KMT2B: variants seen among roughly 807,000 people sequenced by gnomAD.
The protein encoded by KMT2B is lysine methyltransferase 2B.
KMT2B carries 22 observed loss-of-function variants against 255.3 expected under a neutral mutation model. The observed-to-expected ratio is 0.09, with a 90% CI of 0.06 to 0.12. The LOEUF is 0.12. Among genes scored for constraint, KMT2B ranks in the 10% least tolerant of loss-of-function variants. The pLI is 1.00. For missense variants in KMT2B, 3,149 were observed against 3,737.0 expected (o/e 0.84, Z 4.10); for synonymous variants, 1,730 against 1,498.1 (o/e 1.15, Z -3.57).
At position 35,718,991 on chromosome 19, in the gene KMT2B, G is replaced by A. The variant is rs545484928; in HGVS notation, c.364-478G>A. ...GGTGTGGGTTGCGTTGCCCTGGACG[G>A]TTAATAACAACCTGAGAGCTCGCAG... is the stretch of plus-strand genomic sequence containing the variant. On this transcript the variant is annotated intron_variant, in intron 1 of 36. Transcript: ENST00000420124. This position sits in a 1 kb window ranked among gnomAD's most constrained non-coding sequence, Gnocchi z 5.0. Among the ~76,000 whole-genome samples, 1 of 152,304 alleles carries A rather than the reference G, an allele frequency of 6.6e-6. No homozygotes were observed. The highest frequency in any genetic ancestry group is 2.4e-5 in the African/African-American group (1 of 41,570).
At position 35,733,108 on chromosome 19, in the gene KMT2B, G is replaced by T. The variant is rs751221427; in HGVS notation, c.6559G>T (p.Ala2187Ser). Reference sequence around the variant, plus strand: ...CCCTGCCCCTGAGCCCCCCAAACCCGCCACATCCAAAATCATACTTGTCAA... The same window carrying T: ...CCCTGCCCCTGAGCCCCCCAAACCCTCCACATCCAAAATCATACTTGTCAA... ...LGPAPEPPKPATSKIILVNKL... is the reference protein window; with the variant it reads ...LGPAPEPPKPSTSKIILVNKL... Residue 2187 changes from alanine to serine, a missense_variant, in exon 28 of 37, where the codon GCC becomes TCC. Transcript: ENST00000420124. This position sits in a 1 kb window ranked among gnomAD's most constrained non-coding sequence, Gnocchi z 4.3. The T allele has an allele frequency of 4.4e-6, 7 of 1,589,508 alleles. No homozygotes were observed. The South Asian group carries it at 8.0e-5, about 18-fold the overall frequency.
chr19:35,727,593 G>C lies in KMT2B; in HGVS notation c.4273G>C (p.Val1425Leu), dbSNP rs751375041. The C allele has an allele frequency of 1.0e-5, 16 of 1,606,512 alleles. No individual in the cohort carries two copies. The highest frequency in any genetic ancestry group is 1.4e-5 in the Non-Finnish European group (16 of 1,177,344). ...GCTCCAGGGCCTGCTGAGCTCCAAG[G>C]TGGTGGGCCCACTGCTGCTCTGCAC... ...QVLQGLLSSKVVGPLLLCTQC... is the reference protein window; with the variant it reads ...QVLQGLLSSKLVGPLLLCTQC... The change falls in exon 16 of 37, where the codon GTG (valine) becomes CTG (leucine). Residue 1425 changes from valine to leucine, a missense_variant. Val to Leu is a conservative substitution (Grantham distance 32). This residue lies in a region of KMT2B where 377 missense variants were observed against 471.0 expected (regional missense o/e 0.80). Transcript: ENST00000420124. The surrounding 1 kb of genome is among the most constrained non-coding windows in gnomAD (Gnocchi z 4.2).
At position 35,720,367 on chromosome 19, in the gene KMT2B, C is replaced by G. The variant is rs1168001038; in HGVS notation, c.1020C>G (p.Pro340=). ...ATGAGGAAAGTTGGCAGGATGTCCC[C>G]CAAAGAAGAGTTGGATCTGGACAGG... ...GQHEESWQDV[P]QRRVGSGQGG... Residue 340 remains proline (P), a synonymous_variant, in exon 3 of 37, where the codon CCC becomes CCG. Coordinates refer to ENST00000420124, the MANE Select transcript of KMT2B (RefSeq NM_014727.3). The G allele has an allele frequency of 1.9e-6, 3 of 1,600,398 alleles. No homozygotes were observed. Among genetic ancestry groups the G allele is most frequent in the Non-Finnish European group, 2.6e-6 (3 of 1,173,490 alleles).
At position 35,725,640 on chromosome 19, in the gene KMT2B, G is replaced by C. The variant is rs536906276; in HGVS notation, c.3789+15G>C. ...GTGGATCCAAGGTTTGGGCCCAAGG[G>C]CTGGCCAGGGTGGGTGGAGGCCTGA... On this transcript the variant is annotated intron_variant, in intron 12 of 36. Coordinates refer to ENST00000420124, the MANE Select transcript of KMT2B (RefSeq NM_014727.3). The surrounding 1 kb of genome is among the most constrained non-coding windows in gnomAD (Gnocchi z 4.1). 2 of 1,611,956 alleles carry C rather than the reference G, an allele frequency of 1.2e-6. No homozygotes were observed. Among genetic ancestry groups the C allele is most frequent in the Middle Eastern group, 1.6e-4 (1 of 6,084 alleles).
chr19:35,720,998 C>T lies in KMT2B; in HGVS notation c.1651C>T (p.Pro551Ser), dbSNP rs762590352. The T allele has an allele frequency of 2.5e-6, 4 of 1,610,582 alleles. No individual in the cohort carries two copies. Among genetic ancestry groups the T allele is most frequent in the Non-Finnish European group, 3.4e-6 (4 of 1,178,778 alleles). Residue 551 changes from proline (P) to serine (S), a missense_variant, in exon 3 of 37, where the codon CCC (proline) becomes TCC (serine). Physicochemically the swap from Pro to Ser is moderately conservative, Grantham distance 74 (BLOSUM62 -1). Around this residue, in one of 18 missense-constraint regions of KMT2B, gnomAD observed 1,188 missense variants for 1,106.4 expected, o/e 1.07. Transcript: ENST00000420124. ...KTPRRFMDED[P>S]PKPPKVEVSP... ...ACCCCGGCGATTTATGGATGAAGACCCCCCCAAACCCCCAAAGGTGGAGGT... is the reference window on the plus strand; with the variant it reads ...ACCCCGGCGATTTATGGATGAAGACTCCCCCAAACCCCCAAAGGTGGAGGT...
Position 35,725,622 on chromosome 19 carries a change from C to T in KMT2B, c.3786C>T (p.Ser1262=), listed in dbSNP as rs1969403793. 2 of 1,611,380 alleles carry T rather than the reference C, an allele frequency of 1.2e-6. No individual in the cohort carries two copies. Among genetic ancestry groups the T allele is most frequent in the South Asian group, 2.2e-5 (2 of 91,088 alleles). The stretch of plus-strand genomic sequence containing the variant: ...TCTGTGGACGCAAAGGTCGTGGATC[C>T]AAGGTTTGGGCCCAAGGGCTGGCCA... ...CHVCGRKGRG[S]KHLLECERCR... Residue 1262 remains serine, a synonymous_variant, in exon 12 of 37, where the codon TCC becomes TCT. Transcript: ENST00000420124. This position sits in a 1 kb window ranked among gnomAD's most constrained non-coding sequence, Gnocchi z 4.1.
intron 19 of KMT2B, among the ~76,000 whole-genome samples, chr19:35,728,543 AAG>A (rs1317152180): frequency 2.0e-5 from 3 of 152,132 alleles, no homozygotes; most frequent in Non-Finnish European, 1.5e-5. Context: ...GGCTTCCTGA[AAG>A]AGATGGCATT....
chr19:35,724,046 T>C lies in KMT2B; in HGVS notation c.3334+39T>C, dbSNP rs757914909. ...AATGCTTTCTCTGTTGATCATTTAT[T>C]TGGTCTTGTGTCTTTTGTGTAGGAG... is the stretch of plus-strand genomic sequence containing the variant. On this transcript the variant is annotated intron_variant, in intron 8 of 36. Coordinates refer to ENST00000420124, the MANE Select transcript of KMT2B (RefSeq NM_014727.3). 3.9e-6 allele frequency: 6 copies of C among 1,530,674 alleles called. No homozygotes were observed. In the South Asian group the frequency reaches 4.8e-5, roughly 12 times the overall value. 94.8% of individuals were successfully genotyped at this position (1,530,674 alleles called of 1,614,324 possible). A position where few individuals can be genotyped will look rare whatever the true frequency, so the allele number is the denominator to read the frequency against.
At position 35,720,482 on chromosome 19, in the gene KMT2B, G is replaced by A. The variant is rs1368586646; in HGVS notation, c.1135G>A (p.Glu379Lys). 3 of 1,551,826 alleles carry A rather than the reference G, an allele frequency of 1.9e-6. No homozygotes were observed. The highest frequency in any genetic ancestry group is 1.7e-6 in the Non-Finnish European group (2 of 1,146,980). ...AGAAGAAGAAAAAGACAAGGAGGGA[G>A]AAGAGAAGGAAGAAAGAGCTGTAGC... is the stretch of plus-strand genomic sequence containing the variant. ...KEEEEKDKEG[E>K]EKEERAVAEE... is the part of the protein sequence containing the mutation. Residue 379 changes from glutamate (E) to lysine (K), a missense_variant, in exon 3 of 37, where the codon GAA (glutamate) becomes AAA (lysine). Glu to Lys is a moderately conservative substitution (Grantham distance 56). Coordinates refer to ENST00000420124, the MANE Select transcript of KMT2B (RefSeq NM_014727.3).
In KMT2B at chr19:35,737,298, C is replaced by T. The variant is rs371228485; in HGVS notation, c.7550+35C>T. Reference sequence around the variant, plus strand: ...CTGGGGTGTGATGCCTGGGTCAGGGCGCCCCTATGAGAGCTCTTGAGGGTG... The same window carrying T: ...CTGGGGTGTGATGCCTGGGTCAGGGTGCCCCTATGAGAGCTCTTGAGGGTG... On this transcript the variant is annotated intron_variant, in intron 33 of 36. Transcript: ENST00000420124. This position sits in a 1 kb window ranked among gnomAD's most constrained non-coding sequence, Gnocchi z 5.3. 1.3e-4 allele frequency: 192 copies of T among 1,464,400 alleles called. No homozygotes were observed. The African/African-American group carries it at 1.9e-3, about 14-fold the overall frequency. The allele number at this position is 1,464,400 out of a possible 1,614,324, so 90.7% of individuals were successfully genotyped here.
At position 35,726,320 on chromosome 19, in the gene KMT2B, C is replaced by T. The variant is rs1369606221; in HGVS notation, c.3970C>T (p.Leu1324Phe). ...CGTCGAGTGGTCTGGAGATTACAGCCTCTGCCCCAGGTGCACCCAGCTATA... is the reference window on the plus strand; with the variant it reads ...CGTCGAGTGGTCTGGAGATTACAGCTTCTGCCCCAGGTGCACCCAGCTATA... ...WDVEWSGDYSLCPRCTQLYEK... is the reference protein window; with the variant it reads ...WDVEWSGDYSFCPRCTQLYEK... Residue 1324 changes from leucine to phenylalanine, a missense_variant, in exon 14 of 37, where the codon CTC becomes TTC. Physicochemically the swap from Leu to Phe is conservative, Grantham distance 22. Around this residue, in one of 18 missense-constraint regions of KMT2B, gnomAD observed 377 missense variants for 471.0 expected, o/e 0.80. Coordinates refer to ENST00000420124, the MANE Select transcript of KMT2B (RefSeq NM_014727.3). 1 of 1,613,748 alleles carries T rather than the reference C, an allele frequency of 6.2e-7. No individual in the cohort carries two copies. The highest frequency in any genetic ancestry group is 8.5e-7 in the Non-Finnish European group (1 of 1,179,770).
At chr19:35,728,295 G>T in intron 19 of KMT2B, 124 bp downstream of exon 19, 1 of 837,906 alleles carries the variant, frequency 1.2e-6, no homozygotes, top group Non-Finnish European at 1.9e-6. Flanking sequence ...TGGAGAGGAG[G>T]GTGGTGGAAC....
rs1413892315 is a variant in KMT2B, at chr19:35,729,054, A to T, written c.4757A>T (p.Lys1586Ile). Residue 1586 changes from lysine to isoleucine, a missense_variant, in exon 21 of 37, where the codon AAA becomes ATA. Physicochemically the swap from Lys to Ile is moderately radical, Grantham distance 102. Transcript: ENST00000420124. ...EDPRQCALCL[K>I]YGDADSKEAG... The stretch of plus-strand genomic sequence containing the variant: ...CCCCGTCAGTGTGCACTCTGCCTCA[A>T]ATACGGGGATGCAGACTCCAAGGTG... The T allele has an allele frequency of 6.2e-7, 1 of 1,613,964 alleles. No individual in the cohort carries two copies. The highest frequency in any genetic ancestry group is 8.5e-7 in the Non-Finnish European group (1 of 1,179,874).
In KMT2B at chr19:35,719,513, C is replaced by T. The variant is rs1969093934; in HGVS notation, c.408C>T (p.Ser136=). The T allele has an allele frequency of 1.9e-6, 3 of 1,592,300 alleles. No homozygotes were observed. The highest frequency in any genetic ancestry group is 1.8e-5 in the Admixed American group (1 of 56,732). The change falls in exon 2 of 37, where the codon TCC becomes TCT. Residue 136 remains serine, a synonymous_variant. Transcript: ENST00000420124. The part of the protein sequence containing the change: ...FHSDEDVAPS[S]LRSALRSQRG... ...CAGATGAAGATGTGGCCCCCAGTTC[C>T]CTGCGCTCTGCGCTCCGATCCCAGC...
Position 35,725,934 on chromosome 19 carries a change from T to C in KMT2B, c.3885+116T>C, listed in dbSNP as rs976229925. 30 of 843,134 alleles carry C rather than the reference T, an allele frequency of 3.6e-5. No homozygotes were observed. In the Admixed American group the frequency reaches 5.9e-4, roughly 17 times the overall value. 52.2% of individuals were successfully genotyped at this position (843,134 alleles called of 1,614,324 possible). A position where few individuals can be genotyped will look rare whatever the true frequency, so the allele number is the denominator to read the frequency against. ...CAGAGGTTGGGGATCCTCTTAAGAATTGATTAGTAATGTTTCCTCTTCAAA... is the reference window on the plus strand; with the variant it reads ...CAGAGGTTGGGGATCCTCTTAAGAACTGATTAGTAATGTTTCCTCTTCAAA... On this transcript the variant is annotated intron_variant, in intron 13 of 36. Coordinates refer to ENST00000420124, the MANE Select transcript of KMT2B (RefSeq NM_014727.3). This position sits in a 1 kb window ranked among gnomAD's most constrained non-coding sequence, Gnocchi z 4.1.
Position 35,738,612 on chromosome 19 carries a change from T to C in KMT2B, c.*55T>C. 1 of 1,567,948 alleles carries C rather than the reference T, an allele frequency of 6.4e-7. No individual in the cohort carries two copies. Among genetic ancestry groups the C allele is most frequent in the Non-Finnish European group, 8.7e-7 (1 of 1,154,994 alleles). ...ACCTCCTGCTGCCGTCGCTGCCATC[T>C]TGCCCCTAGCCTGGGGGCTCCCTAG... On this transcript the variant is annotated 3_prime_UTR_variant, in exon 37 of 37. Transcript: ENST00000420124. This position sits in a 1 kb window ranked among gnomAD's most constrained non-coding sequence, Gnocchi z 8.7.
chr19:35,728,028 C>T (rs1969535472), intron 18 of KMT2B, 43 bp downstream of exon 18: 3 of 1,548,472 alleles, frequency 1.9e-6, no homozygotes, highest in Non-Finnish European at 2.6e-6. Flanking sequence ...GGAGTGGGAC[C>T]TTCAGACCCT....
At chr19:35,719,741 A>T in intron 2 of KMT2B, 43 bp from the exon 3 acceptor site, 4 of 1,543,534 alleles carry the variant, frequency 2.6e-6, no homozygotes, top group Non-Finnish European at 3.5e-6. Flanking sequence ...CTCTGTGTGT[A>T]GGGCTGGCTT....
chr19:35,734,754 G>A (rs549400422), intron 30 of KMT2B, among the ~76,000 whole-genome samples: 1 of 152,320 alleles, frequency 6.6e-6, no homozygotes, highest in Non-Finnish European at 1.5e-5. Flanking sequence ...CAGTGGCTGG[G>A]GGAGTGGCTG....
Sources: allele counts gnomAD v4.1 joint callset (sites outside exome capture counted in the v4.1 genomes callset), GRCh38; gene constraint gnomAD v4.1.1; regional missense constraint gnomAD v4.1.1; non-coding constraint Gnocchi (gnomAD v3.1); transcripts MANE v1.5; gene names NCBI Gene and HGNC (gene_info 2026-07-23, HGNC 2026-07-21).